PTK2: variants seen among roughly 807,000 people sequenced by gnomAD.
The protein encoded by PTK2 is focal adhesion kinase 1.
PTK2 carries 45 observed loss-of-function variants against 150.1 expected under a neutral mutation model. That is an observed-to-expected ratio of 0.30 (90% CI 0.24 to 0.38). The LOEUF is 0.38. Among genes scored for constraint, PTK2 ranks in the 10% least tolerant of loss-of-function variants. PTK2 has a pLI of 1.00. For missense variants in PTK2, 919 were observed against 1,307.3 expected, an observed-to-expected ratio of 0.70 and a Z score of 4.58; for synonymous variants, 432 against 449.2, an observed-to-expected ratio of 0.96 and a Z score of 0.48.
In PTK2 at chr8:140,840,485, T is replaced by C. The variant is rs917261854; in HGVS notation, c.593+5775A>G. On this transcript the variant is annotated intron_variant, in intron 7 of 31. Transcript: ENST00000522684. The stretch of plus-strand genomic sequence containing the variant: ...ACTAAAATAACAGGAAAAAATGATG[T>C]GTAAGTTGGAAGAAGATGGGGAGAG... Among the ~76,000 whole-genome samples, 3 of 152,088 alleles carry C rather than the reference T, an allele frequency of 2.0e-5. No individual in the cohort carries two copies. The South Asian group carries it at 6.2e-4, about 32-fold the overall frequency.
Position 140,696,985 on chromosome 8 carries a change from T to A in PTK2, c.2499+3906A>T, listed in dbSNP as rs2100026973. On this transcript the variant is annotated intron_variant, in intron 26 of 31. Coordinates refer to ENST00000522684, the Ensembl canonical transcript of PTK2. Reference sequence around the variant, plus strand: ...TGAAACTCTACCAAAAATACAAAAATTAGCTGGGCGTGGTGGTGCGTGACT... The same window carrying A: ...TGAAACTCTACCAAAAATACAAAAAATAGCTGGGCGTGGTGGTGCGTGACT... 2.0e-5 allele frequency among the ~76,000 whole-genome samples: 3 copies of A among 151,646 alleles called. No individual in the cohort carries two copies. In the South Asian group the frequency reaches 6.3e-4, roughly 32 times the overall value.
intron 23 of PTK2, among the ~76,000 whole-genome samples, chr8:140,710,612 G>A (rs550220151): frequency 5.3e-5 from 8 of 150,776 alleles, no homozygotes; most frequent in South Asian, 2.1e-4. Context: ...TAGAGGTTGC[G>A]GTGAGCCGAG....
chr8:140,679,728 G>A (rs996260329), intron 27 of PTK2, among the ~76,000 whole-genome samples: 2 of 152,158 alleles, frequency 1.3e-5, no homozygotes, highest in Non-Finnish European at 1.5e-5. Context: ...TACCTTTTAT[G>A]CACACTGATG....
At chr8:140,684,261 GATC>G (rs1483758134) in intron 27 of PTK2, among the ~76,000 whole-genome samples, 1 of 152,220 alleles carries the variant, frequency 6.6e-6, no homozygotes. Context: ...TCCCATCTCA[GATC>G]ATCAGGCATT....
intron 5 of PTK2, among the ~76,000 whole-genome samples, chr8:140,858,743 T>C (rs954194218): frequency 6.6e-6 from 1 of 152,180 alleles, no homozygotes; most frequent in Non-Finnish European, 1.5e-5. Context: ...CTTGAAATAA[T>C]GGCTATTTAT....
intron 14 of PTK2, among the ~76,000 whole-genome samples, chr8:140,780,659 T>A (rs994412309): frequency 1.3e-5 from 2 of 152,216 alleles, no homozygotes. Context: ...GTACTTCTTG[T>A]CTGATTCTTG....
chr8:140,897,460 A>G (rs1026096488), intron 2 of PTK2, among the ~76,000 whole-genome samples: 18 of 152,128 alleles, frequency 1.2e-4, no homozygotes, highest in Non-Finnish European at 8.8e-5. Flanking sequence ...TCAAATATGC[A>G]ATATATTTGC....
At chr8:140,664,113 A>T (rs2085622453) in intron 31 of PTK2, among the ~76,000 whole-genome samples, 1 of 152,090 alleles carries the variant, frequency 6.6e-6, no homozygotes, top group South Asian at 2.1e-4. Context: ...CCTCCCAAGT[A>T]GCTGGGACTA....
At chr8:141,001,680 C>G (rs2100200302), upstream of PTK2, among the ~76,000 whole-genome samples, 1 of 152,186 alleles carries the variant, frequency 6.6e-6, no homozygotes, top group South Asian at 2.1e-4. Context: ...GGGGTCCCCT[C>G]TGGAGAACCT....
At chr8:140,823,937 C>T (rs994173677) in intron 8 of PTK2, among the ~76,000 whole-genome samples, 2 of 152,186 alleles carry the variant, frequency 1.3e-5, no homozygotes, top group Non-Finnish European at 2.9e-5. Context: ...AACTCTCTAC[C>T]CTCTGCCTCC....
intron 23 of PTK2, among the ~76,000 whole-genome samples, chr8:140,715,896 A>T (rs937616487): frequency 4.6e-5 from 7 of 152,228 alleles, no homozygotes; most frequent in Non-Finnish European, 5.9e-5. Context: ...CCTAATTTGG[A>T]AAATTAGTCA....
chr8:140,951,831 G>A (rs963186819), intron 1 of PTK2, among the ~76,000 whole-genome samples: 3 of 151,718 alleles, frequency 2.0e-5, no homozygotes, highest in Non-Finnish European at 2.9e-5. Context: ...GCTACAGTGA[G>A]CTATGATCAT....
At chr8:140,854,604 T>A (rs1263458231) in intron 5 of PTK2, among the ~76,000 whole-genome samples, 1 of 152,230 alleles carries the variant, frequency 6.6e-6, no homozygotes, top group Non-Finnish European at 1.5e-5. Flanking sequence ...AATACTGTTA[T>A]AACAAGATTC....
chr8:140,857,847 G>C (rs2154605305), intron 5 of PTK2, among the ~76,000 whole-genome samples: 1 of 152,160 alleles, frequency 6.6e-6, no homozygotes, highest in South Asian at 2.1e-4. Flanking sequence ...CCCCAAACTA[G>C]GTAGGCCCTC....
intron 1 of PTK2, among the ~76,000 whole-genome samples, chr8:140,972,219 T>C (rs935604727): frequency 6.6e-6 from 1 of 152,120 alleles, no homozygotes; most frequent in African/African-American, 2.4e-5. Context: ...ATTAGACCTG[T>C]ATTTTTTTAA....
chr8:140,684,981 T>G (rs2100019012), intron 27 of PTK2, among the ~76,000 whole-genome samples: 1 of 152,184 alleles, frequency 6.6e-6, no homozygotes, highest in Non-Finnish European at 1.5e-5. Flanking sequence ...TTACATTACA[T>G]GACTTCAAAC....
intron 22 of PTK2, among the ~76,000 whole-genome samples, chr8:140,725,776 G>A (rs763404087): frequency 6.6e-6 from 1 of 151,656 alleles, no homozygotes; most frequent in African/African-American, 2.4e-5. Flanking sequence ...TGCTCACAGC[G>A]GAAAGAGGCT....
At chr8:140,785,805 A>G (rs76410030) in intron 14 of PTK2, among the ~76,000 whole-genome samples, 1,873 of 152,328 alleles carry the variant, frequency 0.012, 21 homozygotes, top group Non-Finnish European at 0.02. Context: ...TTAATTCTTC[A>G]TATCTGTGAA....
chr8:140,814,943 T>A (rs1337215127), intron 10 of PTK2, among the ~76,000 whole-genome samples: 1 of 152,072 alleles, frequency 6.6e-6, no homozygotes, highest in African/African-American at 2.4e-5. Flanking sequence ...CCCAGCTGAT[T>A]TTTTGTATTT....
Sources: allele counts gnomAD v4.1 joint callset (sites outside exome capture counted in the v4.1 genomes callset), GRCh38; gene constraint gnomAD v4.1.1; transcripts MANE v1.5; gene names NCBI Gene and HGNC (gene_info 2026-07-23, HGNC 2026-07-21).